AXDND1: variants seen among roughly 807,000 people sequenced by gnomAD.
AXDND1 encodes axonemal dynein light chain domain containing 1, also known as axonemal dynein light chain domain-containing protein 1.
AXDND1 carries 110 observed loss-of-function variants against 137.5 expected under a neutral mutation model. The observed-to-expected ratio is 0.80, with a 90% CI of 0.69 to 0.94. AXDND1 has a LOEUF of 0.94. AXDND1 is among the 40% of genes least tolerant of loss of function. The pLI is 0.00. For synonymous variants in AXDND1, 414 were observed against 399.7 expected (o/e 1.04, Z -0.43); for missense variants, 1,191 against 1,169.8 (o/e 1.02, Z -0.26).
intron 18 of AXDND1, among the ~76,000 whole-genome samples, chr1:179,488,634 C>CTTTTCTTTCTTTCTTTCTTTCTTT (rs376189496): frequency 4.8e-5 from 5 of 105,172 alleles, no homozygotes; most frequent in East Asian, 2.6e-4. Context: ...CTCTCTCTCT[C>CTTTTCTTTCTTTCTTTCTTTCTTT]CTTTCTTTCT....
In AXDND1 at chr1:179,486,139, A is replaced by ACT. The variant is rs1553291079; in HGVS notation, c.2091+2918_2091+2919insCT. The stretch of plus-strand genomic sequence containing the variant: ...TGTCTCAAAAAAAAAAAAAAAAAAA[A>ACT]AACCTGATAGAAATGAAAAACACAC... On this transcript the variant is annotated intron_variant, in intron 18 of 25. Coordinates refer to ENST00000367618, the MANE Select transcript of AXDND1 (RefSeq NM_144696.6). Among the ~76,000 whole-genome samples the ACT allele has an allele frequency of 2.7e-4, 24 of 87,804 alleles. 2 individuals are homozygous for ACT. Among genetic ancestry groups the ACT allele is most frequent in the Admixed American group, 1.2e-3 (7 of 6,034 alleles). The allele number at this position is 87,804 out of a possible 152,430, so 57.6% of individuals were successfully genotyped here. A position where few individuals can be genotyped will look rare whatever the true frequency, so the allele number is the denominator to read the frequency against.
rs117653778 is a variant in AXDND1, at chr1:179,416,780, G to A, written c.1230+5514G>A. Among the ~76,000 whole-genome samples, 1,308 of 152,272 alleles carry A rather than the reference G, an allele frequency of 8.6e-3. 41 individuals are homozygous for A. The highest frequency in any genetic ancestry group is 0.055 in the Admixed American group (848 of 15,282). ...CATACCCTTTCTTTATGGTATATAA[G>A]CCTTGAGCCTGGGGAGTAACAGTGC... On this transcript the variant is annotated intron_variant, in intron 12 of 25. Transcript: ENST00000367618.
chr1:179,422,641 G>C (rs1216312799), intron 12 of AXDND1, among the ~76,000 whole-genome samples: 1 of 152,194 alleles, frequency 6.6e-6, no homozygotes, highest in Non-Finnish European at 1.5e-5. Context: ...GTAAATGTCA[G>C]TTAGGCCTAT....
At chr1:179,488,704 C>T (rs1451716156) in intron 18 of AXDND1, among the ~76,000 whole-genome samples, 1,377 of 112,494 alleles carry the variant, frequency 0.012, 6 homozygotes, top group Non-Finnish European at 0.015. Flanking sequence ...TCTTTCCTCT[C>T]TCTGTCTCTC....
At chr1:179,456,807 C>T (rs1571912595) in intron 16 of AXDND1, 1 of 790,460 alleles carries the variant, frequency 1.3e-6, no homozygotes, top group East Asian at 2.4e-5. Context: ...CAGGGCTTTC[C>T]TAACTTCACA....
chr1:179,495,316 C>T (rs895647321), intron 20 of AXDND1, among the ~76,000 whole-genome samples: 1 of 152,054 alleles, frequency 6.6e-6, no homozygotes, highest in Non-Finnish European at 1.5e-5. Flanking sequence ...GTCTTTAAAT[C>T]TGTGAACATG....
At position 179,379,482 on chromosome 1, in the gene AXDND1, A is replaced by G. The variant is rs1019726466; in HGVS notation, c.581A>G (p.Asp194Gly). Residue 194 changes from aspartate to glycine, a missense_variant and splice_region_variant, in exon 6 of 26, where the codon GAC becomes GGC. Asp to Gly is a moderately conservative substitution (Grantham distance 94, BLOSUM62 -1). Transcript: ENST00000367618. Reference protein sequence around the residue: ...TGVSGLECYDDKYTTLLTDSE... With the variant: ...TGVSGLECYDGKYTTLLTDSE... ...GTTTCAGGTTTGGAGTGTTATGATG[A>G]GTGAGTACTATGATATGTAAAAAAT... The G allele has an allele frequency of 6.2e-7, 1 of 1,612,436 alleles. No homozygotes were observed. Among genetic ancestry groups the G allele is most frequent in the Non-Finnish European group, 8.5e-7 (1 of 1,179,398 alleles).
At chr1:179,551,350 G>A (rs772177001) in intron 25 of AXDND1, 2 of 1,614,176 alleles carry the variant, frequency 1.2e-6, no homozygotes, top group Admixed American at 1.7e-5. Context: ...ACTGAAGGGT[G>A]TGGAGGTATC....
chr1:179,436,580 T>C (rs750705338), intron 15 of AXDND1, among the ~76,000 whole-genome samples: 2 of 151,966 alleles, frequency 1.3e-5, no homozygotes, highest in Non-Finnish European at 1.5e-5. Context: ...CTCAACAAAC[T>C]AACACAGGAA....
intron 16 of AXDND1, chr1:179,447,605 G>T: frequency 8.6e-7 from 1 of 1,156,104 alleles, no homozygotes; most frequent in South Asian, 1.6e-5. Context: ...ACTAGTGGAG[G>T]TGTCATGCCC....
chr1:179,493,419 T>C (rs559528358), intron 20 of AXDND1, among the ~76,000 whole-genome samples: 1 of 152,362 alleles, frequency 6.6e-6, no homozygotes, highest in African/African-American at 2.4e-5. Flanking sequence ...TGCATTTGAA[T>C]TGTTTCCAGT....
intron 25 of AXDND1, among the ~76,000 whole-genome samples, chr1:179,538,178 G>C (rs1364007801): frequency 6.6e-6 from 1 of 151,920 alleles, no homozygotes; most frequent in African/African-American, 2.4e-5. Context: ...AGGGTTTTTT[G>C]TGTCTCTGTC....
At chr1:179,467,913 CATA>C (rs1353969142) in intron 16 of AXDND1, among the ~76,000 whole-genome samples, 5 of 152,110 alleles carry the variant, frequency 3.3e-5, no homozygotes, top group African/African-American at 1.2e-4. Flanking sequence ...GCCATAATCT[CATA>C]GTGAATCAGT....
intron 25 of AXDND1, chr1:179,546,179 C>A (rs1334900219): frequency 6.6e-5 from 10 of 152,132 alleles, no homozygotes; most frequent in Non-Finnish European, 1.5e-5. Flanking sequence ...GTTGAGAAGA[C>A]TTCACAGGTC....
intron 14 of AXDND1, 72 bp from the exon 15 acceptor site, chr1:179,432,195 T>C (rs1297124797): frequency 1.3e-5 from 19 of 1,451,518 alleles, no homozygotes; most frequent in Non-Finnish European, 1.6e-5. Context: ...GTTTAGTCTT[T>C]AGTGTGTGAA....
chr1:179,551,493 C>T (rs766204560), intron 25 of AXDND1: 1 of 1,610,420 alleles, frequency 6.2e-7, no homozygotes, highest in East Asian at 2.2e-5. Flanking sequence ...GTTCTTCATT[C>T]CCTGAAGGCT....
intron 11 of AXDND1, among the ~76,000 whole-genome samples, chr1:179,407,485 A>G (rs1478049611): frequency 6.6e-6 from 1 of 152,102 alleles, no homozygotes; most frequent in African/African-American, 2.4e-5. Context: ...CTGGCCTCCC[A>G]AAGTGTTGGA....
intron 17 of AXDND1, among the ~76,000 whole-genome samples, chr1:179,469,330 G>A (rs1399284478): frequency 6.6e-6 from 1 of 152,002 alleles, no homozygotes; most frequent in Non-Finnish European, 1.5e-5. Context: ...TCCATGTTGT[G>A]GCATATTTCA....
intron 4 of AXDND1, among the ~76,000 whole-genome samples, chr1:179,376,242 C>G (rs1647251170): frequency 6.6e-6 from 1 of 152,170 alleles, no homozygotes; most frequent in African/African-American, 2.4e-5. Context: ...ATCCCTCATA[C>G]TGAGGGATAT....
Sources: gnomAD v4.1 joint callset for allele counts (sites outside exome capture counted in the v4.1 genomes callset) on GRCh38, gnomAD v4.1.1 for gene constraint, MANE v1.5 for transcripts, NCBI Gene and HGNC (gene_info 2026-07-23, HGNC 2026-07-21) for gene names.